The following MYO1E variants were observed in gnomAD, a reference collection of about 807,000 sequenced individuals.
MYO1E encodes unconventional myosin-Ie.
MYO1E carries 68 observed loss-of-function variants against 151.1 expected under a neutral mutation model. The observed-to-expected ratio is 0.45, with a 90% CI of 0.37 to 0.55. The LOEUF is 0.55. Ranked by LOEUF, MYO1E falls within the 20% of genes least tolerant of loss-of-function variation. The pLI, the probability that MYO1E is intolerant of heterozygous loss-of-function variation, is 0.00. For synonymous variants in MYO1E, 601 were observed against 501.7 expected, an observed-to-expected ratio of 1.20 and a Z score of -2.64; for missense variants, 1,363 against 1,389.3, an observed-to-expected ratio of 0.98 and a Z score of 0.30.
At chr15:59,254,830 C>CT (rs796861873) in intron 4 of MYO1E, among the ~76,000 whole-genome samples, 4,009 of 149,586 alleles carry the variant, frequency 0.027, 149 homozygotes, top group African/African-American at 0.092. Flanking sequence ...GTAAGCAGAG[C>CT]TTTTTTTTTT....
chr15:59,263,621 G>T (rs1353990263), intron 2 of MYO1E, among the ~76,000 whole-genome samples: 1 of 152,076 alleles, frequency 6.6e-6, no homozygotes, highest in East Asian at 1.9e-4. Flanking sequence ...ACATGATTAT[G>T]CTTTTACTTC....
At position 59,230,215 on chromosome 15, in the gene MYO1E, A is replaced by ACTGT. The variant is rs1491451289; in HGVS notation, c.510+1486_510+1487insACAG. On this transcript the variant is annotated intron_variant, in intron 6 of 27. Coordinates refer to ENST00000288235, the MANE Select transcript of MYO1E (RefSeq NM_004998.4). ...GGTGAATAGTGAGAGAGAGAGAGAC[A>ACTGT]GTGTGTGTTTGTGTGTGTGTGTGTG... Among the ~76,000 whole-genome samples the ACTGT allele has an allele frequency of 5.1e-5, 6 of 118,410 alleles. 1 individual carries two copies. In the South Asian group the frequency reaches 8.6e-4, roughly 17 times the overall value. 77.7% of individuals were successfully genotyped at this position (118,410 alleles called of 152,430 possible).
chr15:59,140,140 ACCCAC>A (rs1398418613), intron 26 of MYO1E, among the ~76,000 whole-genome samples: 1 of 151,992 alleles, frequency 6.6e-6, no homozygotes, highest in Non-Finnish European at 1.5e-5. Context: ...CCTGGCCTCT[ACCCAC>A]TGGATACCAG....
chr15:59,280,557 G>A (rs1417518740), intron 1 of MYO1E, among the ~76,000 whole-genome samples: 2 of 151,328 alleles, frequency 1.3e-5, no homozygotes, highest in Admixed American at 6.6e-5. Context: ...GGGAGGCAGA[G>A]GTTGCAGTGA....
chr15:59,219,799 T>C (rs977614073), intron 9 of MYO1E, among the ~76,000 whole-genome samples: 11 of 152,108 alleles, frequency 7.2e-5, no homozygotes, highest in Non-Finnish European at 1.3e-4. Flanking sequence ...TTTCTTTTGA[T>C]TGAGCAGTTC....
At chr15:59,326,233 G>A (rs377007041) in intron 1 of MYO1E, among the ~76,000 whole-genome samples, 148 of 152,096 alleles carry the variant, frequency 9.7e-4, no homozygotes, top group African/African-American at 3.2e-3. Flanking sequence ...CAGTAGAATT[G>A]GGTGGGACGG....
intron 4 of MYO1E, among the ~76,000 whole-genome samples, chr15:59,255,288 T>C (rs2080187529): frequency 6.6e-6 from 1 of 152,130 alleles, no homozygotes; most frequent in Non-Finnish European, 1.5e-5. Context: ...GGCTAATTTT[T>C]ATATTTTTTT....
At chr15:59,285,445 C>T (rs2080381888) in intron 1 of MYO1E, among the ~76,000 whole-genome samples, 1 of 145,200 alleles carries the variant, frequency 6.9e-6, no homozygotes, top group Non-Finnish European at 1.5e-5. Context: ...ATAACCTCTG[C>T]CCCCCGGCTT....
chr15:59,370,219 G>T (rs1327870897), intron 1 of MYO1E, among the ~76,000 whole-genome samples: 1 of 152,198 alleles, frequency 6.6e-6, no homozygotes, highest in African/African-American at 2.4e-5. Context: ...GATACAACTT[G>T]GGCAGGCCTG....
intron 1 of MYO1E, among the ~76,000 whole-genome samples, chr15:59,304,025 C>T (rs1479989949): frequency 6.7e-6 from 1 of 150,272 alleles, no homozygotes; most frequent in Non-Finnish European, 1.5e-5. Flanking sequence ...TCTTGTCACC[C>T]AGGCTGGAGT....
intron 18 of MYO1E, among the ~76,000 whole-genome samples, chr15:59,179,955 C>T (rs559283984): frequency 2.0e-5 from 3 of 152,354 alleles, no homozygotes; most frequent in African/African-American, 7.2e-5. Context: ...TGAGCGAAGC[C>T]AGGGCCCTCC....
chr15:59,258,777 A>G (rs2080208722), intron 3 of MYO1E, among the ~76,000 whole-genome samples: 1 of 151,990 alleles, frequency 6.6e-6, no homozygotes, highest in South Asian at 2.1e-4. Context: ...GGATCGCTTG[A>G]GTCCTGGAGG....
intron 1 of MYO1E, among the ~76,000 whole-genome samples, chr15:59,335,410 T>C (rs1172109258): frequency 6.6e-6 from 1 of 152,096 alleles, no homozygotes; most frequent in Non-Finnish European, 1.5e-5. Flanking sequence ...GAATGCAAGA[T>C]TTTACGGATT....
Position 59,236,405 on chromosome 15 carries a change from CACACACACACACACAAACACACAT to C in MYO1E, c.420+156_420+179del, listed in dbSNP as rs1212984730. 1.4e-3 allele frequency among the ~76,000 whole-genome samples: 207 copies of C among 149,098 alleles called. 2 individuals are homozygous for C. Among genetic ancestry groups the C allele is most frequent in the African/African-American group, 4.8e-3 (193 of 39,876 alleles). On this transcript the variant is annotated intron_variant, in intron 5 of 27. Coordinates refer to ENST00000288235, the MANE Select transcript of MYO1E (RefSeq NM_004998.4). ...ACACACACACACACACACACACACA[CACACACACACACACAAACACACAT>C]ACATATGCTATTCCTTTCCATTCCA...
chr15:59,372,631 T>G lies in MYO1E; in HGVS notation c.-131A>C. 8.3e-7 allele frequency: 1 copy of G among 1,207,630 alleles called. No homozygotes were observed. Among genetic ancestry groups the G allele is most frequent in the Non-Finnish European group, 1.1e-6 (1 of 870,520 alleles). The allele number at this position is 1,207,630 out of a possible 1,614,324, so 74.8% of individuals were successfully genotyped here. On this transcript the variant is annotated 5_prime_UTR_variant, in exon 1 of 28. An upstream open reading frame in the 5' UTR loses its in-frame stop. Transcript: ENST00000288235. Reference sequence around the variant, plus strand: ...AAACAGGCTCCCGACACCCAAGCACTCACAGGAGCCAATGGGAACCCAGAG... The same window carrying G: ...AAACAGGCTCCCGACACCCAAGCACGCACAGGAGCCAATGGGAACCCAGAG...
At position 59,253,901 on chromosome 15, in the gene MYO1E, C is replaced by CTTTTTTTTTTTTTTTTTTTTTTTTTTT. The variant is rs34819314; in HGVS notation, c.332+2382_332+2383insAAAAAAAAAAAAAAAAAAAAAAAAAAA. Among the ~76,000 whole-genome samples the CTTTTTTTTTTTTTTTTTTTTTTTTTTT allele has an allele frequency of 4.3e-3, 581 of 135,626 alleles. 11 individuals carry two copies. The highest frequency in any genetic ancestry group is 7.7e-3 in the Non-Finnish European group (478 of 62,456). 89.0% of individuals were successfully genotyped at this position (135,626 alleles called of 152,430 possible). A position where few individuals can be genotyped will look rare whatever the true frequency, so the allele number is the denominator to read the frequency against. ...TAGTAAGATCTACAGGACAAACAAC[C>CTTTTTTTTTTTTTTTTTTTTTTTTTTT]TTTTTTTTTTTTTTTTAACAAAGCC... On this transcript the variant is annotated intron_variant, in intron 4 of 27. Coordinates refer to ENST00000288235, the MANE Select transcript of MYO1E (RefSeq NM_004998.4).
Position 59,132,890 on chromosome 15 carries a change from T to A in MYO1E, c.*4490A>T, listed in dbSNP as rs1362922924. On this transcript the variant is annotated 3_prime_UTR_variant, in exon 28 of 28. Transcript: ENST00000288235. ...CTTGGAAAGAGATGAATCAGAGGAT[T>A]CAGATTTGTTAGATGGAGCTCCTGC... is the stretch of plus-strand genomic sequence containing the variant. 1 of 152,204 alleles carries A rather than the reference T, an allele frequency of 6.6e-6. No homozygotes were observed. Among genetic ancestry groups the A allele is most frequent in the Admixed American group, 6.5e-5 (1 of 15,278 alleles). The allele number at this position is 152,204 out of a possible 1,614,324, so 9.4% of individuals were successfully genotyped here.
chr15:59,151,918 A>AG lies in MYO1E; in HGVS notation c.3080+1671_3080+1672insC, dbSNP rs2079482618. Among the ~76,000 whole-genome samples, 3 of 151,624 alleles carry AG rather than the reference A, an allele frequency of 2.0e-5. No homozygotes were observed. The East Asian group carries it at 5.8e-4, about 29-fold the overall frequency. On this transcript the variant is annotated intron_variant, in intron 26 of 27. Transcript: ENST00000288235. The stretch of plus-strand genomic sequence containing the variant: ...CACACACACACACACACACACACAA[A>AG]TTAGCCGGGCATGGTGGCAGGCGCC...
intron 1 of MYO1E, among the ~76,000 whole-genome samples, chr15:59,357,634 G>A (rs2080862521): frequency 1.3e-5 from 2 of 151,776 alleles, no homozygotes; most frequent in African/African-American, 4.8e-5. Flanking sequence ...ATTTTTAGTA[G>A]AGACAGGGTT....
Sources: allele counts gnomAD v4.1 joint callset (sites outside exome capture counted in the v4.1 genomes callset), GRCh38; gene constraint gnomAD v4.1.1; transcripts MANE v1.5; gene names NCBI Gene and HGNC (gene_info 2026-07-23, HGNC 2026-07-21).